KCTD8: variants seen among roughly 807,000 people sequenced by gnomAD.
KCTD8 encodes BTB/POZ domain-containing protein KCTD8.
KCTD8 carries 27 observed loss-of-function variants against 31.5 expected under a neutral mutation model. The ratio of observed to expected loss-of-function variants is 0.86; its 90% confidence interval spans 0.63 to 1.18. The LOEUF is 1.18. Ranked by LOEUF, KCTD8 falls within the 50% of genes most tolerant of loss-of-function variation. The pLI is 0.00. For missense variants in KCTD8, 658 were observed against 647.7 expected (o/e 1.02, Z -0.17); for synonymous variants, 290 against 280.0 (o/e 1.04, Z -0.36).
intron 1 of KCTD8, among the ~76,000 whole-genome samples, chr4:44,361,632 G>T (rs1298918866): frequency 6.6e-6 from 1 of 151,972 alleles, no homozygotes; most frequent in East Asian, 1.9e-4. Flanking sequence ...AAATGGTCTG[G>T]TAAGTCCCCT....
chr4:44,243,736 C>T (rs1397186460), intron 1 of KCTD8, among the ~76,000 whole-genome samples: 2 of 152,192 alleles, frequency 1.3e-5, no homozygotes, highest in African/African-American at 2.4e-5. Context: ...TGTCTAGTTC[C>T]AAAGCCAGAC....
intron 1 of KCTD8, among the ~76,000 whole-genome samples, chr4:44,397,874 T>TA (rs1720547366): frequency 6.6e-6 from 1 of 152,110 alleles, no homozygotes; most frequent in African/African-American, 2.4e-5. Flanking sequence ...TTATAATACC[T>TA]AAAAAATTGA....
intron 1 of KCTD8, among the ~76,000 whole-genome samples, chr4:44,248,943 T>C (rs1715747713): frequency 6.6e-6 from 1 of 151,876 alleles, no homozygotes; most frequent in Admixed American, 6.6e-5. Context: ...ATTCAGGGTC[T>C]AATTAGCCTA....
chr4:44,426,333 T>TA (rs34008140), intron 1 of KCTD8, among the ~76,000 whole-genome samples: 57,924 of 151,060 alleles, frequency 0.38, 11,997 homozygotes, highest in South Asian at 0.52. Context: ...TAGGAAAAAT[T>TA]AAAAAACTAG....
chr4:44,298,674 TA>T (rs1560419131), intron 1 of KCTD8, among the ~76,000 whole-genome samples: 1 of 152,106 alleles, frequency 6.6e-6, no homozygotes, highest in East Asian at 1.9e-4. Flanking sequence ...TTGAACTTTT[TA>T]AAAAAGTACT....
At chr4:44,231,337 A>G (rs1452305634) in intron 1 of KCTD8, among the ~76,000 whole-genome samples, 1 of 152,184 alleles carries the variant, frequency 6.6e-6, no homozygotes, top group Non-Finnish European at 1.5e-5. Flanking sequence ...AGAATGCTAT[A>G]ATTAGCGAGC....
At chr4:44,209,497 T>TACAC (rs142003669) in intron 1 of KCTD8, among the ~76,000 whole-genome samples, 131 of 149,300 alleles carry the variant, frequency 8.8e-4, no homozygotes, top group African/African-American at 2.8e-3. Context: ...GCTACACACA[T>TACAC]ACACACACAC....
chr4:44,398,194 T>C (rs984361769), intron 1 of KCTD8, among the ~76,000 whole-genome samples: 6 of 152,222 alleles, frequency 3.9e-5, no homozygotes, highest in African/African-American at 1.4e-4. Flanking sequence ...TAAAGCTTTT[T>C]ATCTGTTTTC....
At chr4:44,287,208 T>C (rs1717104993) in intron 1 of KCTD8, among the ~76,000 whole-genome samples, 1 of 152,018 alleles carries the variant, frequency 6.6e-6, no homozygotes, top group South Asian at 2.1e-4. Flanking sequence ...CTTGAGCCCA[T>C]GAGTTCAAGA....
chr4:44,245,539 C>A (rs1188393769), intron 1 of KCTD8, among the ~76,000 whole-genome samples: 1 of 150,756 alleles, frequency 6.6e-6, no homozygotes, highest in Non-Finnish European at 1.5e-5. Flanking sequence ...TAAATTTTTT[C>A]TTTAATTTTA....
intron 1 of KCTD8, among the ~76,000 whole-genome samples, chr4:44,372,987 T>C (rs192716820): frequency 2.6e-5 from 4 of 152,210 alleles, no homozygotes; most frequent in African/African-American, 9.6e-5. Context: ...TATAGAATTA[T>C]GCATCTGTGG....
At chr4:44,405,345 C>T (rs1023773650) in intron 1 of KCTD8, among the ~76,000 whole-genome samples, 1 of 152,074 alleles carries the variant, frequency 6.6e-6, no homozygotes, top group African/African-American at 2.4e-5. Context: ...GCAATCTTGG[C>T]CTCCTGTGTT....
At chr4:44,241,592 A>G (rs766564029) in intron 1 of KCTD8, among the ~76,000 whole-genome samples, 16 of 152,266 alleles carry the variant, frequency 1.1e-4, no homozygotes, top group Non-Finnish European at 2.1e-4. Context: ...TGCACAGGGC[A>G]GGATACAAAG....
intron 1 of KCTD8, among the ~76,000 whole-genome samples, chr4:44,336,860 T>G (rs866701472): frequency 5.3e-5 from 8 of 152,212 alleles, no homozygotes; most frequent in Middle Eastern, 6.8e-3. Flanking sequence ...AAATTATATC[T>G]TCACTGTATA....
At chr4:44,184,483 G>A (rs182448079) in intron 1 of KCTD8, among the ~76,000 whole-genome samples, 9 of 152,072 alleles carry the variant, frequency 5.9e-5, no homozygotes, top group Non-Finnish European at 2.9e-5. Flanking sequence ...GAGAAACATG[G>A]TCATATTCCT....
At chr4:44,288,975 G>A (rs957742181) in intron 1 of KCTD8, among the ~76,000 whole-genome samples, 1 of 151,288 alleles carries the variant, frequency 6.6e-6, no homozygotes, top group Non-Finnish European at 1.5e-5. Context: ...TTTTAAAAAT[G>A]ATACAGGTTA....
At chr4:44,325,390 C>T (rs900776098) in intron 1 of KCTD8, among the ~76,000 whole-genome samples, 3 of 151,890 alleles carry the variant, frequency 2.0e-5, no homozygotes, top group African/African-American at 7.3e-5. Context: ...TTCTTGTGAA[C>T]ATATGTTGGT....
chr4:44,326,989 A>G (rs1208853010), intron 1 of KCTD8, among the ~76,000 whole-genome samples: 2 of 151,908 alleles, frequency 1.3e-5, no homozygotes, highest in East Asian at 1.9e-4. Flanking sequence ...TCAGTTTGGA[A>G]ATAAAATTGC....
intron 1 of KCTD8, among the ~76,000 whole-genome samples, chr4:44,188,013 A>AC (rs200076703): frequency 1.9e-4 from 28 of 146,122 alleles, no homozygotes; most frequent in African/African-American, 6.4e-4. Context: ...ATGCACACAC[A>AC]AAAAAAAAAC....
Sources: gnomAD v4.1 joint callset for allele counts (sites outside exome capture counted in the v4.1 genomes callset) on GRCh38, gnomAD v4.1.1 for gene constraint, MANE v1.5 for transcripts, NCBI Gene and HGNC (gene_info 2026-07-23, HGNC 2026-07-21) for gene names.